The following TSPAN9 variants were observed in gnomAD, a reference collection of about 807,000 sequenced individuals.
TSPAN9 encodes the protein tetraspanin 9.
A neutral mutation model predicts 31.0 loss-of-function variants in TSPAN9; 16 were observed. The ratio of observed to expected loss-of-function variants is 0.52; its 90% CI spans 0.35 to 0.78. TSPAN9 has a LOEUF of 0.78. Among genes scored for constraint, TSPAN9 ranks in the 30% least tolerant of loss-of-function variants. TSPAN9 has a pLI of 0.01. For synonymous variants in TSPAN9, 145 were observed against 121.6 expected, an observed-to-expected ratio of 1.19 and a Z score of -1.27; for missense variants, 272 against 312.5, an observed-to-expected ratio of 0.87 and a Z score of 0.98.
At chr12:3,253,996 A>G (rs1591707747) in intron 3 of TSPAN9, among the ~76,000 whole-genome samples, 1 of 152,172 alleles carries the variant, frequency 6.6e-6, no homozygotes, top group African/African-American at 2.4e-5. Context: ...GAGTGGAGGG[A>G]TAAGGATGAT....
intron 3 of TSPAN9, among the ~76,000 whole-genome samples, chr12:3,277,330 T>C (rs1862807007): frequency 6.6e-6 from 1 of 152,168 alleles, no homozygotes; most frequent in Non-Finnish European, 1.5e-5. Context: ...AGGGACTGCC[T>C]CCTTCAACTG....
At chr12:3,230,264 C>T (rs3782813) in intron 3 of TSPAN9, among the ~76,000 whole-genome samples, 34,071 of 152,008 alleles carry the variant, frequency 0.22, 4,245 homozygotes, top group East Asian at 0.38. Flanking sequence ...AGGATGAATG[C>T]TTTTGAAGGT....
intron 2 of TSPAN9, among the ~76,000 whole-genome samples, chr12:3,190,917 C>G (rs1441742299): frequency 6.6e-6 from 1 of 152,224 alleles, no homozygotes; most frequent in Non-Finnish European, 1.5e-5. Flanking sequence ...AGGAGGGACA[C>G]AGTCCTTGCA....
chr12:3,093,256 C>A (rs1479988937), intron 2 of TSPAN9, among the ~76,000 whole-genome samples: 2 of 152,154 alleles, frequency 1.3e-5, no homozygotes, highest in Admixed American at 1.3e-4. Context: ...TGTGCTGTGC[C>A]CATCAGCCGA....
At chr12:3,081,573 G>A (rs183672154) in intron 1 of TSPAN9, among the ~76,000 whole-genome samples, 2 of 152,056 alleles carry the variant, frequency 1.3e-5, no homozygotes, top group Admixed American at 1.3e-4. Flanking sequence ...TGGGAACCCC[G>A]GTGGCATTTT....
intron 3 of TSPAN9, among the ~76,000 whole-genome samples, chr12:3,226,758 A>G (rs1392798298): frequency 1.5e-3 from 2 of 1,362 alleles, no homozygotes; most frequent in African/African-American, 2.2e-3. Flanking sequence ...ATATATATAT[A>G]TATATATATA....
At chr12:3,252,058 T>A (rs1460390763) in intron 3 of TSPAN9, among the ~76,000 whole-genome samples, 1 of 152,086 alleles carries the variant, frequency 6.6e-6, no homozygotes, top group Non-Finnish European at 1.5e-5. Flanking sequence ...CTTTGTAGCT[T>A]CTAGCACCTG....
Position 3,264,393 on chromosome 12 carries a change from A to G in TSPAN9, c.64-14028A>G, listed in dbSNP as rs527369511. Among the ~76,000 whole-genome samples, 3 of 152,288 alleles carry G rather than the reference A, an allele frequency of 2.0e-5. No individual in the cohort carries two copies. In the South Asian group the frequency reaches 6.2e-4, roughly 32 times the overall value. On this transcript the variant is annotated intron_variant, in intron 3 of 8. Transcript: ENST00000011898. ...CGCTTATCTTAATTTATTGATGAAA[A>G]CTTGTTTTACGGTCCAGAGCACAGA...
intron 2 of TSPAN9, among the ~76,000 whole-genome samples, chr12:3,174,755 T>C (rs1277324756): frequency 8.0e-6 from 1 of 125,536 alleles, no homozygotes; most frequent in East Asian, 2.7e-4. Context: ...GCTAATTTTT[T>C]GTATTTTTAG....
intron 2 of TSPAN9, among the ~76,000 whole-genome samples, chr12:3,099,797 G>C (rs569697954): frequency 1.1e-4 from 16 of 151,210 alleles, no homozygotes; most frequent in Non-Finnish European, 2.2e-4. Context: ...ACACCCTTCA[G>C]AGGATTCTAC....
intron 3 of TSPAN9, among the ~76,000 whole-genome samples, chr12:3,206,698 C>T (rs947130688): frequency 6.6e-6 from 1 of 152,108 alleles, no homozygotes; most frequent in African/African-American, 2.4e-5. Context: ...AGTTGAGCAC[C>T]TGCCGTAAGC....
chr12:3,176,615 G>C (rs931126958), intron 2 of TSPAN9, among the ~76,000 whole-genome samples: 1 of 152,252 alleles, frequency 6.6e-6, no homozygotes, highest in Non-Finnish European at 1.5e-5. Context: ...AGACTAAATA[G>C]TTTAAGAACA....
intron 3 of TSPAN9, among the ~76,000 whole-genome samples, chr12:3,260,424 T>C (rs780656553): frequency 6.6e-6 from 1 of 152,186 alleles, no homozygotes; most frequent in Admixed American, 6.5e-5. Context: ...GGCTTGACCC[T>C]TGTGGTTCTT....
At chr12:3,103,459 A>T (rs1394483034) in intron 2 of TSPAN9, among the ~76,000 whole-genome samples, 2 of 152,178 alleles carry the variant, frequency 1.3e-5, no homozygotes, top group Non-Finnish European at 2.9e-5. Flanking sequence ...GGCTCTAGGA[A>T]CCAGGGACTC....
In TSPAN9 at chr12:3,081,844, G is replaced by GTGTGTGTATATATATATATATA. The variant is rs57812985; in HGVS notation, c.-84-1808_-84-1807insGTGTGTATATATATATATATAT. 1.0e-3 allele frequency among the ~76,000 whole-genome samples: 119 copies of GTGTGTGTATATATATATATATA among 116,748 alleles called. 3 individuals are homozygous for GTGTGTGTATATATATATATATA. Among genetic ancestry groups the GTGTGTGTATATATATATATATA allele is most frequent in the African/African-American group, 3.5e-3 (95 of 27,436 alleles). 76.6% of individuals were successfully genotyped at this position (116,748 alleles called of 152,430 possible). On this transcript the variant is annotated intron_variant, in intron 1 of 8. Coordinates refer to ENST00000011898, the MANE Select transcript of TSPAN9 (RefSeq NM_006675.5). ...TGTGTGTGTGTGTGTGTCTGTGTGT[G>GTGTGTGTATATATATATATATA]TATATATATGCCAGGTGTGGTGGTA...
At chr12:3,109,307 A>AGAGAGAGAGAGAGAGTGTGTGT (rs560687812) in intron 2 of TSPAN9, among the ~76,000 whole-genome samples, 5 of 143,208 alleles carry the variant, frequency 3.5e-5, no homozygotes, top group African/African-American at 1.4e-4. Context: ...TGTGAGAGAG[A>AGAGAGAGAGAGAGAGTGTGTGT]GTGTGTGTGT....
At chr12:3,167,624 T>C (rs1164736885) in intron 2 of TSPAN9, among the ~76,000 whole-genome samples, 1 of 152,204 alleles carries the variant, frequency 6.6e-6, no homozygotes, top group Non-Finnish European at 1.5e-5. Flanking sequence ...CATTAGCTCG[T>C]GATGAGCTGG....
chr12:3,092,311 C>T (rs918227742), intron 2 of TSPAN9, among the ~76,000 whole-genome samples: 1 of 152,206 alleles, frequency 6.6e-6, no homozygotes, highest in African/African-American at 2.4e-5. Flanking sequence ...GTCAGTGAAT[C>T]AGTAAGTCGT....
chr12:3,162,496 A>C (rs1311798538), intron 2 of TSPAN9, among the ~76,000 whole-genome samples: 1 of 151,806 alleles, frequency 6.6e-6, no homozygotes, highest in Non-Finnish European at 1.5e-5. Context: ...GAGGTTATCA[A>C]CTCTTGTTCT....
Sources: allele counts gnomAD v4.1 joint callset (sites outside exome capture counted in the v4.1 genomes callset), GRCh38; gene constraint gnomAD v4.1.1; transcripts MANE v1.5; gene names NCBI Gene and HGNC (gene_info 2026-07-23, HGNC 2026-07-21).